MEF2A: variants seen among roughly 807,000 people sequenced by gnomAD.
The protein encoded by MEF2A is myocyte-specific enhancer factor 2A.
MEF2A carries 28 observed loss-of-function variants against 55.8 expected under a neutral mutation model. That is an observed-to-expected ratio of 0.50 (90% confidence interval 0.37 to 0.69). The LOEUF (loss-of-function observed/expected upper bound fraction) is 0.69. Ranked by LOEUF, MEF2A falls within the 30% of genes least tolerant of loss-of-function variation. The pLI, the probability that MEF2A is intolerant of heterozygous loss-of-function variation, is 0.00. For missense variants in MEF2A, 528 were observed against 626.2 expected (o/e 0.84, Z 1.67); for synonymous variants, 239 against 227.1 (o/e 1.05, Z -0.47).
intron 9 of MEF2A, among the ~76,000 whole-genome samples, chr15:99,705,134 C>A (rs1035982405): frequency 6.6e-5 from 10 of 152,180 alleles, no homozygotes; most frequent in African/African-American, 2.4e-4. Context: ...GACTCTGATC[C>A]GAAGTGCAGA....
At chr15:99,659,036 G>A (rs1403490903) in intron 4 of MEF2A, among the ~76,000 whole-genome samples, 1 of 152,080 alleles carries the variant, frequency 6.6e-6, no homozygotes, top group Non-Finnish European at 1.5e-5. Context: ...AAGAAAAAAG[G>A]CAAATTAAGG....
chr15:99,581,552 A>G (rs1458736139), intron 1 of MEF2A, among the ~76,000 whole-genome samples: 1 of 151,952 alleles, frequency 6.6e-6, no homozygotes, highest in Non-Finnish European at 1.5e-5. Flanking sequence ...ACTGGTGAAT[A>G]TGGATCATCC....
chr15:99,657,832 C>T (rs1195666908), intron 4 of MEF2A, among the ~76,000 whole-genome samples: 1 of 151,916 alleles, frequency 6.6e-6, no homozygotes, highest in African/African-American at 2.4e-5. Context: ...GAAGAGAACA[C>T]GAAAAGAAAA....
intron 2 of MEF2A, among the ~76,000 whole-genome samples, chr15:99,607,372 C>T (rs911714377): frequency 9.2e-5 from 14 of 152,056 alleles, no homozygotes; most frequent in Non-Finnish European, 2.1e-4. Flanking sequence ...ATTTTTACAT[C>T]TCTGATATAT....
At chr15:99,569,233 A>G (rs1166244779) in intron 1 of MEF2A, among the ~76,000 whole-genome samples, 2 of 152,232 alleles carry the variant, frequency 1.3e-5, no homozygotes, top group East Asian at 1.9e-4. Context: ...TAAATGAGAT[A>G]GCGAGTGTAA....
chr15:99,651,781 G>A (rs1477466768), intron 4 of MEF2A, among the ~76,000 whole-genome samples: 1 of 152,094 alleles, frequency 6.6e-6, no homozygotes, highest in Non-Finnish European at 1.5e-5. Context: ...TTTGTATAAG[G>A]GACTACACGT....
At chr15:99,600,579 G>T (rs748717846) in intron 2 of MEF2A, among the ~76,000 whole-genome samples, 1 of 152,102 alleles carries the variant, frequency 6.6e-6, no homozygotes, top group Admixed American at 6.6e-5. Flanking sequence ...ATTAATTTTT[G>T]TATATGGTGT....
chr15:99,696,307 C>A (rs1567472043), intron 8 of MEF2A, among the ~76,000 whole-genome samples: 1 of 152,202 alleles, frequency 6.6e-6, no homozygotes, highest in Non-Finnish European at 1.5e-5. Flanking sequence ...GCAGAACACA[C>A]ACTTTTCACA....
chr15:99,614,413 A>G (rs1366013936), intron 2 of MEF2A, among the ~76,000 whole-genome samples: 4 of 152,286 alleles, frequency 2.6e-5, no homozygotes, highest in Non-Finnish European at 4.4e-5. Context: ...AACTCCAAAA[A>G]ATTGGTTCTT....
intron 3 of MEF2A, among the ~76,000 whole-genome samples, chr15:99,643,779 G>C (rs1033663041): frequency 2.0e-5 from 3 of 151,990 alleles, no homozygotes; most frequent in Non-Finnish European, 2.9e-5. Context: ...TTTTAGTAGA[G>C]ACGGGGTTTC....
intron 2 of MEF2A, among the ~76,000 whole-genome samples, chr15:99,624,647 A>C (rs1466950848): frequency 1.3e-5 from 2 of 152,214 alleles, no homozygotes; most frequent in East Asian, 3.9e-4. Flanking sequence ...TATTTTGGCT[A>C]TTTGGAGTCC....
intron 3 of MEF2A, among the ~76,000 whole-genome samples, chr15:99,643,674 C>T (rs760075244): frequency 1.3e-5 from 2 of 151,278 alleles, no homozygotes; most frequent in Non-Finnish European, 2.9e-5. Flanking sequence ...TCACTGCAAG[C>T]TCTGCCTCCA....
chr15:99,584,994 A>G (rs894842075), intron 1 of MEF2A, among the ~76,000 whole-genome samples: 1 of 152,122 alleles, frequency 6.6e-6, no homozygotes, highest in Non-Finnish European at 1.5e-5. Context: ...TCTTGGCATT[A>G]CTGTGTTATC....
At chr15:99,601,807 TTGTGTG>T (rs56729766) in intron 2 of MEF2A, among the ~76,000 whole-genome samples, 7,762 of 138,778 alleles carry the variant, frequency 0.056, 518 homozygotes, top group African/African-American at 0.16. Context: ...TTTGTCTGTT[TTGTGTG>T]TGTGTGTGTG....
chr15:99,569,064 G>T (rs890427819), intron 1 of MEF2A, among the ~76,000 whole-genome samples: 4 of 152,216 alleles, frequency 2.6e-5, no homozygotes, highest in African/African-American at 9.7e-5. Flanking sequence ...CCTCGTGCAA[G>T]AGAATGCTTT....
chr15:99,656,176 G>T (rs561016461), intron 4 of MEF2A, among the ~76,000 whole-genome samples: 10 of 152,024 alleles, frequency 6.6e-5, no homozygotes, highest in Non-Finnish European at 1.2e-4. Context: ...TGTTTAAGTT[G>T]AAGGAACACT....
chr15:99,587,893 TC>T (rs1024040333), intron 1 of MEF2A, among the ~76,000 whole-genome samples: 1 of 152,202 alleles, frequency 6.6e-6, no homozygotes, highest in African/African-American at 2.4e-5. Flanking sequence ...TTTTAATTCT[TC>T]CTTTCCAATC....
At chr15:99,681,937 T>G (rs766542453) in intron 7 of MEF2A, 6 of 152,242 alleles carry the variant, frequency 3.9e-5, no homozygotes, top group Non-Finnish European at 7.3e-5. Context: ...GACATAATTT[T>G]ATAACTGTTA....
intron 4 of MEF2A, among the ~76,000 whole-genome samples, chr15:99,664,801 T>G (rs905345762): frequency 6.6e-6 from 1 of 152,208 alleles, no homozygotes; most frequent in Admixed American, 6.5e-5. Context: ...AATGAAAGTG[T>G]GCAGCAGGCA....
Sources: gnomAD v4.1 joint callset for allele counts (sites outside exome capture counted in the v4.1 genomes callset) on GRCh38, gnomAD v4.1.1 for gene constraint, MANE v1.5 for transcripts, NCBI Gene and HGNC (gene_info 2026-07-23, HGNC 2026-07-21) for gene names.